Variants in BRAT1 observed in about 807,000 individuals in gnomAD.
The protein encoded by BRAT1 is BRCA1 associated ATM activator 1, also known as integrator complex assembly factor BRAT1.
Under a neutral mutation model 70.6 loss-of-function variants are expected in BRAT1, and 74 were observed. That is an observed-to-expected ratio of 1.05 (90% CI 0.87 to 1.27). The LOEUF is 1.27. BRAT1 is among the 50% of genes most tolerant of loss of function. The pLI, the probability that BRAT1 is intolerant of heterozygous loss-of-function variation, is 0.00. For missense variants in BRAT1, 1,203 were observed against 1,098.2 expected (o/e 1.10, Z -1.35); for synonymous variants, 615 against 517.1 (o/e 1.19, Z -2.57).
intron 3 of BRAT1, among the ~76,000 whole-genome samples, chr7:2,546,879 G>C (rs1277524508): frequency 6.6e-6 from 1 of 152,124 alleles, no homozygotes; most frequent in Non-Finnish European, 1.5e-5. Flanking sequence ...GGTCTCATTT[G>C]GTCCTCACGA....
chr7:2,541,873 A>C (rs1412112397), intron 7 of BRAT1, 37 bp from the exon 8 acceptor site: 2 of 1,597,200 alleles, frequency 1.3e-6, no homozygotes, highest in Non-Finnish European at 1.7e-6. Context: ...CTTAGAGAGC[A>C]CTTCAGCCTC....
At chr7:2,542,690 C>T (rs748351285) in intron 6 of BRAT1, 2 of 183,410 alleles carry the variant, frequency 1.1e-5, no homozygotes, top group Non-Finnish European at 2.3e-5. Context: ...AGAGCTGGAC[C>T]CTCATGGTAC....
At position 2,543,743 on chromosome 7, in the gene BRAT1, G is replaced by A; in HGVS notation, c.650C>T (p.Ala217Val). 1 of 1,602,656 alleles carries A rather than the reference G, an allele frequency of 6.2e-7. No homozygotes were observed. Among genetic ancestry groups the A allele is most frequent in the South Asian group, 1.1e-5 (1 of 90,498 alleles). The change falls in exon 5 of 14, where the codon GCC becomes GTC. Residue 217 changes from alanine (A) to valine (V), a missense_variant. Physicochemically the swap from Ala to Val is moderately conservative, Grantham distance 64. Transcript: ENST00000340611. The surrounding 1 kb of genome is among the most constrained non-coding windows in gnomAD (Gnocchi z 5.5). ...GAAGGTCGTGGTCAGGACGTTCAGG[G>A]CCTGAGTGACCTTGGGGGTGGCCGC... ...CSAATPKVTQ[A>V]LNVLTTTFGR...
chr7:2,538,043 G>A lies in BRAT1; in HGVS notation c.*26C>T. On this transcript the variant is annotated 3_prime_UTR_variant, in exon 14 of 14. Coordinates refer to ENST00000340611, the MANE Select transcript of BRAT1 (RefSeq NM_152743.4). ...ATGGTGCTGCCTCCCTTGGTCCTGAGCCCCAGTGGCAGACTCTGGTTCTGC... is the reference window on the plus strand; with the variant it reads ...ATGGTGCTGCCTCCCTTGGTCCTGAACCCCAGTGGCAGACTCTGGTTCTGC... 1 of 1,522,658 alleles carries A rather than the reference G, an allele frequency of 6.6e-7. No individual in the cohort carries two copies. The highest frequency in any genetic ancestry group is 8.8e-7 in the Non-Finnish European group (1 of 1,132,654). The allele number at this position is 1,522,658 out of a possible 1,614,324, so 94.3% of individuals were successfully genotyped here.
At position 2,540,993 on chromosome 7, in the gene BRAT1, C is replaced by A. The variant is rs767205945; in HGVS notation, c.1381G>T (p.Gly461Cys). 3 of 1,553,224 alleles carry A rather than the reference C, an allele frequency of 1.9e-6. No homozygotes were observed. Among genetic ancestry groups the A allele is most frequent in the Non-Finnish European group, 2.6e-6 (3 of 1,161,478 alleles). Reference sequence around the variant, plus strand: ...CACCACCGTACCGTGGGGCTGGAGCCGGGGCTCTCGAGGCACTCCAGGAGG... The same window carrying A: ...CACCACCGTACCGTGGGGCTGGAGCAGGGGCTCTCGAGGCACTCCAGGAGG... ...AVLLECLESPGSSPTVLKKAF... is the reference protein window; with the variant it reads ...AVLLECLESPCSSPTVLKKAF... The change falls in exon 10 of 14, where the codon GGC becomes TGC. Residue 461 changes from glycine (G) to cysteine (C), a missense_variant. Coordinates refer to ENST00000340611, the MANE Select transcript of BRAT1 (RefSeq NM_152743.4).
At chr7:2,546,741 T>C (rs781072583) in intron 3 of BRAT1, among the ~76,000 whole-genome samples, 4 of 151,804 alleles carry the variant, frequency 2.6e-5, no homozygotes, top group Non-Finnish European at 4.4e-5. Context: ...TCTCGAAAAA[T>C]AATAATAAAA....
chr7:2,540,725 C>G (rs1016919331), intron 10 of BRAT1: 1 of 413,990 alleles, frequency 2.4e-6, no homozygotes, highest in Non-Finnish European at 4.2e-6. Flanking sequence ...CAGAATTCCC[C>G]GCAGGCCGCC....
intron 13 of BRAT1, 151 bp downstream of exon 13, chr7:2,539,028 G>A (rs779099972): frequency 3.1e-5 from 45 of 1,437,294 alleles, no homozygotes; most frequent in Non-Finnish European, 3.8e-5. Flanking sequence ...ACCCAGCACA[G>A]CCCCAGGGCC....
chr7:2,554,184 C>T, intron 2 of BRAT1, 121 bp downstream of exon 2: 1 of 1,343,720 alleles, frequency 7.4e-7, no homozygotes, highest in East Asian at 2.5e-5. Flanking sequence ...GGAAAGACAT[C>T]TGATTGGCAG....
intron 4 of BRAT1, chr7:2,544,203 T>G (rs59101587): frequency 7.2e-5 from 24 of 333,556 alleles, no homozygotes; most frequent in Admixed American, 9.9e-5. Flanking sequence ...TCTTGTTGTT[T>G]TTTTTTTTTT....
chr7:2,547,122 T>C (rs1481490836), intron 3 of BRAT1, among the ~76,000 whole-genome samples: 2 of 152,120 alleles, frequency 1.3e-5, no homozygotes, highest in Non-Finnish European at 2.9e-5. Flanking sequence ...CTCAACTCCT[T>C]AGCCCCAGCA....
intron 2 of BRAT1, among the ~76,000 whole-genome samples, chr7:2,551,252 A>C (rs1005384438): frequency 6.8e-6 from 1 of 146,070 alleles, no homozygotes; most frequent in Non-Finnish European, 1.5e-5. Flanking sequence ...AAAAAAAAAA[A>C]ATCTATATCT....
chr7:2,540,747 C>T lies in BRAT1; in HGVS notation c.1395+232G>A, dbSNP rs986704798. The stretch of plus-strand genomic sequence containing the variant: ...CCCCGCAGGCCGCCTGACCAGTGCC[C>T]CTGCTCCCCACGGCCCCACACACCC... On this transcript the variant is annotated intron_variant, in intron 10 of 13. Coordinates refer to ENST00000340611, the MANE Select transcript of BRAT1 (RefSeq NM_152743.4). 10 of 434,908 alleles carry T rather than the reference C, an allele frequency of 2.3e-5. No individual in the cohort carries two copies. In the Admixed American group the frequency reaches 3.5e-4, roughly 15 times the overall value. 26.9% of individuals were successfully genotyped at this position (434,908 alleles called of 1,614,324 possible).
intron 9 of BRAT1, 112 bp downstream of exon 9, chr7:2,541,186 C>T: frequency 7.0e-7 from 1 of 1,428,084 alleles, no homozygotes; most frequent in Non-Finnish European, 9.3e-7. Context: ...CCCTCAGCCC[C>T]CACCCCAGAG....
At chr7:2,545,363 CAAAAAAAAAAAAA>C (rs1185029266) in intron 3 of BRAT1, among the ~76,000 whole-genome samples, 3 of 25,120 alleles carry the variant, frequency 1.2e-4, no homozygotes, top group East Asian at 2.4e-3. Flanking sequence ...GACTCCATCT[CAAAAAAAAAAAAA>C]AAAAAAAAAA....
At chr7:2,540,887 G>T in intron 10 of BRAT1, 92 bp downstream of exon 10, 1 of 1,270,832 alleles carries the variant, frequency 7.9e-7, no homozygotes, top group Non-Finnish European at 1.0e-6. Flanking sequence ...GGCCCCATCC[G>T]CAGAGGCCTG....
At chr7:2,552,999 C>T (rs1004565790) in intron 2 of BRAT1, among the ~76,000 whole-genome samples, 1 of 151,902 alleles carries the variant, frequency 6.6e-6, no homozygotes, top group Non-Finnish European at 1.5e-5. Flanking sequence ...CTGCCTCGGT[C>T]TCCCAAAGTG....
rs962060987 is a variant in BRAT1 at position 2,547,556 on chromosome 7, C to T, written c.128-78G>A. 5 of 1,497,084 alleles carry T rather than the reference C, an allele frequency of 3.3e-6. No individual in the cohort carries two copies. The South Asian group carries it at 4.6e-5, about 14-fold the overall frequency. 92.7% of individuals were successfully genotyped at this position (1,497,084 alleles called of 1,614,324 possible). On this transcript the variant is annotated intron_variant, in intron 2 of 13. Coordinates refer to ENST00000340611, the MANE Select transcript of BRAT1 (RefSeq NM_152743.4). ...CCCTGGATGACCGCTCTTCTCCTAGCAATTCCCAGACCCTTTTCTTGCAGG... is the reference window on the plus strand; with the variant it reads ...CCCTGGATGACCGCTCTTCTCCTAGTAATTCCCAGACCCTTTTCTTGCAGG...
chr7:2,538,985 G>A (rs754377670), intron 13 of BRAT1, 194 bp downstream of exon 13: 14 of 1,439,042 alleles, frequency 9.7e-6, no homozygotes, highest in African/African-American at 1.4e-5. Flanking sequence ...GAGGGGTGCT[G>A]GGGAGACAGA....
Sources: gnomAD v4.1 joint callset for allele counts (sites outside exome capture counted in the v4.1 genomes callset) on GRCh38, gnomAD v4.1.1 for gene constraint, Gnocchi (gnomAD v3.1) non-coding constraint, MANE v1.5 for transcripts, NCBI Gene and HGNC (gene_info 2026-07-23, HGNC 2026-07-21) for gene names.